SYTL5: variants seen among roughly 807,000 people sequenced by gnomAD.
SYTL5 encodes the protein synaptotagmin like 5.
In SYTL5, 34 loss-of-function variants were observed where a neutral mutation model predicts 55.9. The ratio of observed to expected loss-of-function variants is 0.61; its 90% CI spans 0.46 to 0.81. The LOEUF is 0.81. SYTL5 is among the 30% of genes least tolerant of loss of function. The pLI is 0.00. For missense variants in SYTL5, 637 were observed against 546.7 expected (o/e 1.17, Z -1.65); for synonymous variants, 221 against 188.7 (o/e 1.17, Z -1.40).
intron 3 of SYTL5, among the ~76,000 whole-genome samples, chrX:38,062,586 G>A (rs1192520433): frequency 1.8e-5 from 2 of 111,361 alleles, no homozygotes; most frequent in Non-Finnish European, 3.8e-5. Flanking sequence ...TACAGCCCCT[G>A]ACATCTGGAA....
the SYTL5 span, among the ~76,000 whole-genome samples, chrX:38,000,712 G>C: frequency 8.9e-6 from 1 of 112,074 alleles, no homozygotes; most frequent in South Asian, 3.7e-4. Context: ...TGGAAGAATC[G>C]GATCACACAT....
chrX:37,919,208 G>T, the SYTL5 span, among the ~76,000 whole-genome samples: 14 of 111,327 alleles, frequency 1.3e-4, no homozygotes, highest in South Asian at 3.8e-3. Context: ...GGCAGTTTTA[G>T]CTCTAGAAAA....
At chrX:37,997,120 C>G in the SYTL5 span, among the ~76,000 whole-genome samples, 2 of 112,650 alleles carry the variant, frequency 1.8e-5, no homozygotes, top group Admixed American at 9.3e-5. Flanking sequence ...CCCATTAAGA[C>G]GAGATATTTA....
intron 13 of SYTL5, among the ~76,000 whole-genome samples, chrX:38,118,940 T>C (rs866495487): frequency 1.8e-4 from 15 of 84,165 alleles, no homozygotes; most frequent in South Asian, 6.3e-4. Context: ...TATATATATA[T>C]GTACGCATAT....
intron 1 of SYTL5, among the ~76,000 whole-genome samples, chrX:38,009,209 A>G: frequency 8.9e-6 from 1 of 112,060 alleles, no homozygotes; most frequent in East Asian, 2.8e-4. Flanking sequence ...TATTTAGCCT[A>G]TAACCTATTA....
At chrX:37,909,818 G>T in the SYTL5 span, among the ~76,000 whole-genome samples, 1 of 110,319 alleles carries the variant, frequency 9.1e-6, no homozygotes, top group Non-Finnish European at 1.9e-5. Flanking sequence ...GGGATTACAG[G>T]CACCTGCCAC....
At chrX:38,111,341 C>T (rs932399575) in intron 13 of SYTL5, among the ~76,000 whole-genome samples, 1 of 111,437 alleles carries the variant, frequency 9.0e-6, no homozygotes, top group East Asian at 2.8e-4. Flanking sequence ...TATAGGTCTG[C>T]GGTGAAGCTT....
At chrX:37,976,606 T>A in the SYTL5 span, among the ~76,000 whole-genome samples, 4 of 111,482 alleles carry the variant, frequency 3.6e-5, no homozygotes, top group Non-Finnish European at 7.5e-5. Context: ...ATTTTAAATA[T>A]TTTACAATTG....
chrX:38,047,211 C>T (rs1456944337), intron 2 of SYTL5, among the ~76,000 whole-genome samples: 1 of 112,649 alleles, frequency 8.9e-6, no homozygotes, highest in East Asian at 2.8e-4. Context: ...GGGGCTCCAT[C>T]CCCACATTTC....
chrX:38,000,934 T>C, the SYTL5 span, among the ~76,000 whole-genome samples: 2 of 111,788 alleles, frequency 1.8e-5, no homozygotes, highest in African/African-American at 3.3e-5. Context: ...TGCCTGTCGG[T>C]GCGCTCTGCC....
intron 6 of SYTL5, among the ~76,000 whole-genome samples, chrX:38,085,177 G>T (rs1420066586): frequency 9.0e-6 from 1 of 111,401 alleles, no homozygotes; most frequent in African/African-American, 3.3e-5. Flanking sequence ...GAGCAATGCA[G>T]GTGGAGAGAT....
the SYTL5 span, among the ~76,000 whole-genome samples, chrX:37,895,433 C>CTTCCTTCT: frequency 5.4e-4 from 49 of 91,209 alleles, no homozygotes; most frequent in African/African-American, 2.4e-3. Context: ...TCCTTCCTTC[C>CTTCCTTCT]TTCCTTCCTT....
intron 5 of SYTL5, among the ~76,000 whole-genome samples, chrX:38,075,286 G>A (rs968731915): frequency 2.7e-5 from 3 of 111,720 alleles, no homozygotes; most frequent in African/African-American, 9.8e-5. Context: ...GGGAGAAAAG[G>A]TACACACCTG....
chrX:38,013,002 G>A (rs1249827028), intron 1 of SYTL5, among the ~76,000 whole-genome samples: 3 of 112,230 alleles, frequency 2.7e-5, no homozygotes, highest in Non-Finnish European at 3.8e-5. Context: ...GACCAGCACA[G>A]GGAGAATACT....
At chrX:37,945,150 C>T in the SYTL5 span, among the ~76,000 whole-genome samples, 1 of 112,620 alleles carries the variant, frequency 8.9e-6, no homozygotes, top group Non-Finnish European at 1.9e-5. Context: ...ATTGAGATAA[C>T]TGTGAATTAT....
At chrX:38,062,111 G>A (rs930824361) in intron 3 of SYTL5, among the ~76,000 whole-genome samples, 3 of 110,704 alleles carry the variant, frequency 2.7e-5, no homozygotes, top group African/African-American at 6.6e-5. Context: ...GGGACTACAG[G>A]CATGTGCCAC....
chrX:37,900,203 G>A, the SYTL5 span, among the ~76,000 whole-genome samples: 1 of 111,955 alleles, frequency 8.9e-6, no homozygotes, highest in Non-Finnish European at 1.9e-5. Context: ...CTAGAACAGT[G>A]CCTGGTGCAC....
chrX:38,084,628 G>A (rs368074505), intron 6 of SYTL5, among the ~76,000 whole-genome samples: 2 of 111,352 alleles, frequency 1.8e-5, no homozygotes, highest in East Asian at 5.7e-4. Flanking sequence ...AGAGACTTCC[G>A]TGATGATCGA....
chrX:37,966,338 T>C, the SYTL5 span, among the ~76,000 whole-genome samples: 1 of 111,280 alleles, frequency 9.0e-6, no homozygotes, highest in East Asian at 2.8e-4. Context: ...TATAGGAGTC[T>C]ATTTTAAGCA....
Sources: allele counts gnomAD v4.1 joint callset (sites outside exome capture counted in the v4.1 genomes callset), GRCh38; gene constraint gnomAD v4.1.1; transcripts MANE v1.5; gene names NCBI Gene and HGNC (gene_info 2026-07-23, HGNC 2026-07-21).